The following HMCN1 variants were observed in gnomAD, a reference collection of about 807,000 sequenced individuals.
HMCN1 encodes hemicentin 1, also known as hemicentin-1.
A neutral mutation model predicts 625.9 loss-of-function variants in HMCN1; 321 were observed. That is an observed-to-expected ratio of 0.51 (90% CI 0.47 to 0.56). The LOEUF is 0.56. HMCN1 is among the 20% of genes least tolerant of loss of function. The probability of loss-of-function intolerance (pLI) is 0.00; values close to 1 mark genes in which losing one functional copy is unlikely to be tolerated. For synonymous variants in HMCN1, 2,425 were observed against 2,417.6 expected (o/e 1.00, Z -0.09); for missense variants, 6,588 against 6,887.3 (o/e 0.96, Z 1.54).
chr1:185,890,894 T>C (rs1458028447), intron 4 of HMCN1, among the ~76,000 whole-genome samples: 2 of 48,814 alleles, frequency 4.1e-5, no homozygotes, highest in Non-Finnish European at 7.4e-5. Flanking sequence ...TTGATCTGTC[T>C]AATGTTGACA....
chr1:185,854,710 TTCA>T (rs1329633115), intron 2 of HMCN1, among the ~76,000 whole-genome samples: 11 of 152,164 alleles, frequency 7.2e-5, no homozygotes, highest in African/African-American at 1.4e-4. Context: ...AAGATCTTAT[TTCA>T]TCATTTTTTA....
intron 1 of HMCN1, among the ~76,000 whole-genome samples, chr1:185,788,280 A>C (rs529028153): frequency 6.6e-6 from 1 of 152,228 alleles, no homozygotes; most frequent in South Asian, 2.1e-4. Context: ...TGTCAGTTCA[A>C]CACATCTGTA....
intron 75 of HMCN1, 62 bp from the exon 76 acceptor site, chr1:186,116,932 T>A: frequency 6.3e-7 from 1 of 1,585,634 alleles, no homozygotes; most frequent in Non-Finnish European, 8.6e-7. Context: ...CATGTTAAAC[T>A]AGCTGGGAAA....
intron 1 of HMCN1, among the ~76,000 whole-genome samples, chr1:185,738,157 T>C (rs1032809859): frequency 6.6e-6 from 1 of 152,228 alleles, no homozygotes; most frequent in Admixed American, 6.5e-5. Flanking sequence ...TGAGATGTAA[T>C]CCCCTTACCA....
chr1:185,845,855 T>C (rs1661778872), intron 1 of HMCN1, among the ~76,000 whole-genome samples, 171 bp from the exon 2 acceptor site: 2 of 152,228 alleles, frequency 1.3e-5, no homozygotes, highest in Admixed American at 1.3e-4. Flanking sequence ...TTACAGTAAA[T>C]TATAAGTTAT....
At chr1:185,797,409 G>A (rs913474137) in intron 1 of HMCN1, among the ~76,000 whole-genome samples, 17 of 152,198 alleles carry the variant, frequency 1.1e-4, no homozygotes, top group African/African-American at 3.6e-4. Context: ...GGCTTAAGCA[G>A]TCTTTCTGCC....
chr1:185,837,203 T>C (rs999225393), intron 1 of HMCN1, among the ~76,000 whole-genome samples: 2 of 152,062 alleles, frequency 1.3e-5, no homozygotes, highest in Non-Finnish European at 2.9e-5. Context: ...GTAACTGTAA[T>C]AAATTTCACA....
chr1:186,022,855 A>G (rs1654808410), intron 35 of HMCN1, among the ~76,000 whole-genome samples, 175 bp from the exon 36 acceptor site: 1 of 152,092 alleles, frequency 6.6e-6, no homozygotes, highest in Non-Finnish European at 1.5e-5. Context: ...AAACTAGTCT[A>G]TTGTCTTGTG....
At chr1:186,042,992 A>G (rs1160058283) in intron 40 of HMCN1, among the ~76,000 whole-genome samples, 1 of 152,120 alleles carries the variant, frequency 6.6e-6, no homozygotes, top group Non-Finnish European at 1.5e-5. Context: ...TATAATTCAG[A>G]GTATGTTTTG....
At chr1:186,119,362 A>T (rs1304151022) in intron 78 of HMCN1, 64 bp downstream of exon 78, 1 of 1,162,276 alleles carries the variant, frequency 8.6e-7, no homozygotes, top group East Asian at 2.3e-5. Flanking sequence ...AGTCATATTT[A>T]TTCTGAAAGG....
chr1:186,165,139 G>A lies in HMCN1; in HGVS notation c.15285G>A (p.Gly5095=). ...ATCGCAGTAATCAGTGCCCCTCCGG[G>A]TTTACCTTAGACTCAGTTGGACCTT... ...KGDRSNQCPS[G]FTLDSVGPFC... is the part of the protein sequence containing the mutation. The change falls in exon 98 of 107, where the codon GGG becomes GGA. Residue 5095 remains glycine (G), a synonymous_variant. Transcript: ENST00000271588. 1 of 1,614,062 alleles carries A rather than the reference G, an allele frequency of 6.2e-7. No homozygotes were observed. Among genetic ancestry groups the A allele is most frequent in the African/African-American group, 1.3e-5 (1 of 75,016 alleles).
At chr1:185,778,812 G>C (rs947248318) in intron 1 of HMCN1, among the ~76,000 whole-genome samples, 1 of 152,148 alleles carries the variant, frequency 6.6e-6, no homozygotes, top group African/African-American at 2.4e-5. Context: ...ACATACGTGT[G>C]CATGTGTCTT....
chr1:185,748,962 A>T lies in HMCN1; in HGVS notation c.268+13915A>T, dbSNP rs190709381. ...GAATCTCAGTTTCTTTTTGCATAAA[A>T]TAAGGATAAAACCAGTTTTGTGTAC... is the stretch of plus-strand genomic sequence containing the variant. On this transcript the variant is annotated intron_variant, in intron 1 of 106. Transcript: ENST00000271588. 7.5e-4 allele frequency among the ~76,000 whole-genome samples: 115 copies of T among 152,334 alleles called. 1 individual carries two copies. The highest frequency in any genetic ancestry group is 4.1e-4 in the South Asian group (2 of 4,828).
intron 1 of HMCN1, among the ~76,000 whole-genome samples, chr1:185,771,130 A>G (rs2102146635): frequency 6.6e-6 from 1 of 152,280 alleles, no homozygotes; most frequent in East Asian, 1.9e-4. Flanking sequence ...ATGTCTTTTT[A>G]ATGTTTAAGA....
intron 16 of HMCN1, among the ~76,000 whole-genome samples, chr1:185,978,503 G>T (rs1339637517): frequency 2.0e-5 from 3 of 152,020 alleles, no homozygotes; most frequent in Admixed American, 1.3e-4. Context: ...TCAGTATTCA[G>T]ATATTTGGAA....
intron 11 of HMCN1, among the ~76,000 whole-genome samples, chr1:185,959,576 T>A (rs937246147): frequency 4.6e-5 from 7 of 152,172 alleles, no homozygotes; most frequent in African/African-American, 7.2e-5. Context: ...TAGAGTGCTG[T>A]GTTCCCATTG....
intron 4 of HMCN1, among the ~76,000 whole-genome samples, chr1:185,875,835 T>G (rs1282813292): frequency 6.6e-6 from 1 of 152,128 alleles, no homozygotes; most frequent in Non-Finnish European, 1.5e-5. Context: ...AGTCATCTAG[T>G]TATCTACTTA....
At chr1:186,046,255 G>A (rs1656564850) in intron 41 of HMCN1, among the ~76,000 whole-genome samples, 1 of 152,128 alleles carries the variant, frequency 6.6e-6, no homozygotes, top group Admixed American at 6.6e-5. Context: ...GACCACTTGA[G>A]GTCAGGAGTT....
chr1:186,129,448 GT>G (rs1301626970), intron 83 of HMCN1, among the ~76,000 whole-genome samples: 3 of 151,510 alleles, frequency 2.0e-5, no homozygotes, highest in African/African-American at 7.3e-5. Flanking sequence ...TTACAGAGAA[GT>G]TTAAATTATT....
Sources: allele counts gnomAD v4.1 joint callset (sites outside exome capture counted in the v4.1 genomes callset), GRCh38; gene constraint gnomAD v4.1.1; transcripts MANE v1.5; gene names NCBI Gene and HGNC (gene_info 2026-07-23, HGNC 2026-07-21).